The following DMD variants were observed in gnomAD, a reference collection of about 807,000 sequenced individuals.
DMD encodes the protein mutant dystrophin.
Under a neutral mutation model 330.1 loss-of-function variants are expected in DMD, and 63 were observed. The observed-to-expected ratio is 0.19, with a 90% CI of 0.16 to 0.24. DMD has a LOEUF of 0.24. Ranked by LOEUF, DMD falls within the 10% of genes least tolerant of loss-of-function variation. The probability of loss-of-function intolerance (pLI) is 1.00; values close to 1 mark genes in which losing one functional copy is unlikely to be tolerated. For missense variants in DMD, 3,344 were observed against 2,684.1 expected, an observed-to-expected ratio of 1.25 and a Z score of -5.43; for synonymous variants, 1,223 against 959.8, an observed-to-expected ratio of 1.27 and a Z score of -5.07.
chrX:32,241,756 A>C (rs2097209501), intron 43 of DMD, among the ~76,000 whole-genome samples: 1 of 112,381 alleles, frequency 8.9e-6, no homozygotes, highest in Non-Finnish European at 1.9e-5. Flanking sequence ...AGTTCTGTAA[A>C]TATATCCTTT....
intron 30 of DMD, among the ~76,000 whole-genome samples, chrX:32,407,086 C>A (rs1488442641): frequency 9.0e-6 from 1 of 111,454 alleles, no homozygotes. Context: ...ATGACGAAAA[C>A]AACAAAAGCA....
intron 49 of DMD, among the ~76,000 whole-genome samples, chrX:31,823,978 G>A (rs1306893256): frequency 1.8e-5 from 2 of 112,189 alleles, no homozygotes; most frequent in Non-Finnish European, 3.8e-5. Flanking sequence ...GTAACAAAGG[G>A]AAGAATAAGC....
intron 47 of DMD, among the ~76,000 whole-genome samples, chrX:31,878,378 T>C (rs1274842809): frequency 8.9e-6 from 1 of 112,320 alleles, no homozygotes. Context: ...ACCAAAAGTT[T>C]GTTAAAAACA....
chrX:32,759,562 T>A (rs770989205), intron 7 of DMD, among the ~76,000 whole-genome samples: 2 of 111,236 alleles, frequency 1.8e-5, no homozygotes, highest in African/African-American at 6.5e-5. Context: ...TCTTAATGCC[T>A]TACCTCAATT....
intron 1 of DMD, among the ~76,000 whole-genome samples, chrX:33,190,175 G>A (rs1028372953): frequency 1.8e-5 from 2 of 110,071 alleles, no homozygotes; most frequent in Non-Finnish European, 3.8e-5. Flanking sequence ...ACTGTTTTAT[G>A]TAGATGAAAT....
intron 1 of DMD, among the ~76,000 whole-genome samples, chrX:33,116,936 T>C (rs1016701375): frequency 9.0e-6 from 1 of 111,030 alleles, no homozygotes; most frequent in Non-Finnish European, 1.9e-5. Flanking sequence ...GGATTCATAC[T>C]GCTCTCAAAT....
At chrX:31,783,031 C>T (rs1327099653) in intron 50 of DMD, among the ~76,000 whole-genome samples, 1 of 111,516 alleles carries the variant, frequency 9.0e-6, no homozygotes, top group African/African-American at 3.3e-5. Context: ...AAGAAAAAGC[C>T]AGATGAAACC....
chrX:32,964,727 A>C (rs762891452), intron 2 of DMD, among the ~76,000 whole-genome samples: 1 of 111,661 alleles, frequency 9.0e-6, no homozygotes, highest in Non-Finnish European at 1.9e-5. Context: ...AAATCAAAAC[A>C]AAACAAAAAG....
At chrX:32,454,315 T>A (rs1328134508) in intron 26 of DMD, among the ~76,000 whole-genome samples, 1 of 111,272 alleles carries the variant, frequency 9.0e-6, no homozygotes, top group Admixed American at 9.6e-5. Context: ...AATTTGTCTT[T>A]TCAAGAATAC....
intron 49 of DMD, among the ~76,000 whole-genome samples, chrX:31,824,450 C>T (rs1381844601): frequency 9.1e-6 from 1 of 110,155 alleles, no homozygotes; most frequent in Non-Finnish European, 1.9e-5. Flanking sequence ...TTGTATTTCA[C>T]CATGTTGGCC....
At position 33,145,256 on chromosome X, in the gene DMD, C is replaced by A. The variant is rs767004355; in HGVS notation, c.31+66026G>T. The stretch of plus-strand genomic sequence containing the variant: ...AAGAAATTCAGTGTCTTAGCACTGG[C>A]TATTCTTTCCTTCTGGAAGGTTCTT... On this transcript the variant is annotated intron_variant, in intron 1 of 78. Coordinates refer to ENST00000357033, the MANE Select transcript of DMD (RefSeq NM_004006.3). 4.6e-3 allele frequency among the ~76,000 whole-genome samples: 514 copies of A among 111,856 alleles called. 3 individuals are homozygous for A. In the Middle Eastern group the frequency reaches 0.069, roughly 15 times the overall value.
chrX:32,134,856 A>C (rs1236004248), intron 44 of DMD, among the ~76,000 whole-genome samples: 2 of 112,030 alleles, frequency 1.8e-5, no homozygotes, highest in Admixed American at 9.5e-5. Flanking sequence ...AGATGAAAGG[A>C]TTTGCCAAAA....
At chrX:32,929,849 G>A (rs1938687937) in intron 2 of DMD, among the ~76,000 whole-genome samples, 1 of 111,449 alleles carries the variant, frequency 9.0e-6, no homozygotes, top group Admixed American at 9.6e-5. Flanking sequence ...TGCTGAGAAT[G>A]ATGGTTTCCA....
chrX:32,194,475 A>C (rs2096989624), intron 44 of DMD, among the ~76,000 whole-genome samples: 1 of 112,011 alleles, frequency 8.9e-6, no homozygotes, highest in South Asian at 3.7e-4. Context: ...GCTCAGCATA[A>C]TATTTTTGAC....
intron 55 of DMD, among the ~76,000 whole-genome samples, chrX:31,585,320 T>A (rs1359263046): frequency 3.0e-5 from 2 of 67,456 alleles, no homozygotes; most frequent in Admixed American, 3.8e-4. Flanking sequence ...TGAGACCCTG[T>A]CTCAAAAAAA....
At chrX:32,950,484 A>G (rs1313295235) in intron 2 of DMD, among the ~76,000 whole-genome samples, 1 of 110,652 alleles carries the variant, frequency 9.0e-6, no homozygotes, top group East Asian at 2.9e-4. Context: ...AGGACATTGG[A>G]GACTGTATTC....
chrX:32,593,432 C>T (rs1245267786), intron 13 of DMD, among the ~76,000 whole-genome samples: 1 of 111,580 alleles, frequency 9.0e-6, no homozygotes, highest in Non-Finnish European at 1.9e-5. Flanking sequence ...TATTTTTATA[C>T]TGGATTGCAT....
chrX:31,505,814 G>C (rs902711688), intron 56 of DMD, among the ~76,000 whole-genome samples: 4 of 109,724 alleles, frequency 3.6e-5, no homozygotes, highest in Admixed American at 1.9e-4. Context: ...TTGTATTTTT[G>C]GTAGAGACGG....
At chrX:32,416,291 G>A (rs921762246) in intron 29 of DMD, among the ~76,000 whole-genome samples, 1 of 112,176 alleles carries the variant, frequency 8.9e-6, no homozygotes, top group Non-Finnish European at 1.9e-5. Context: ...GCATTTATGA[G>A]GTGATGGGTA....
Sources: gnomAD v4.1 joint callset for allele counts (sites outside exome capture counted in the v4.1 genomes callset) on GRCh38, gnomAD v4.1.1 for gene constraint, MANE v1.5 for transcripts, NCBI Gene and HGNC (gene_info 2026-07-23, HGNC 2026-07-21) for gene names.